BANF2: variants seen among roughly 807,000 people sequenced by gnomAD.
BANF2 encodes the protein barrier-to-autointegration factor-like protein.
In BANF2, 4 loss-of-function variants were observed where a neutral mutation model predicts 8.0. That is an observed-to-expected ratio of 0.50 (90% CI 0.25 to 1.14). The LOEUF is 1.14. Ranked by LOEUF, BANF2 falls within the 50% of genes most tolerant of loss-of-function variation. The pLI is 0.16. For missense variants in BANF2, 96 were observed against 107.5 expected (o/e 0.89, Z 0.47); for synonymous variants, 50 against 40.6 (o/e 1.23, Z -0.88).
At chr20:17,702,774 G>T (rs1252403940) in intron 1 of BANF2, among the ~76,000 whole-genome samples, 5 of 152,182 alleles carry the variant, frequency 3.3e-5, no homozygotes, top group Non-Finnish European at 5.9e-5. Flanking sequence ...CTGCTTCTGA[G>T]TTATTCTATA....
At chr20:17,710,490 G>A (rs567854704) in intron 1 of BANF2, among the ~76,000 whole-genome samples, 22 of 152,304 alleles carry the variant, frequency 1.4e-4, no homozygotes, top group African/African-American at 4.8e-4. Context: ...AGGCAGGCAC[G>A]TAGTAGGCGC....
At chr20:17,721,863 TTA>T (rs557744714) in intron 1 of BANF2, among the ~76,000 whole-genome samples, 552 of 152,338 alleles carry the variant, frequency 3.6e-3, no homozygotes, top group Middle Eastern at 6.8e-3. Flanking sequence ...TTTTCATTAC[TTA>T]TAGCCCAGGG....
intron 1 of BANF2, chr20:17,712,559 C>T (rs1291586702): frequency 5.1e-6 from 5 of 979,044 alleles, no homozygotes; most frequent in Middle Eastern, 5.3e-4. Flanking sequence ...GTTCAAGCCC[C>T]GTGCCCATGA....
chr20:17,719,939 A>G (rs1181104366), intron 1 of BANF2, among the ~76,000 whole-genome samples: 2 of 152,156 alleles, frequency 1.3e-5, no homozygotes, highest in Admixed American at 1.3e-4. Flanking sequence ...TCTGCTTGGA[A>G]TTTTATCAGA....
chr20:17,724,248 T>C (rs1403361824), intron 2 of BANF2, among the ~76,000 whole-genome samples: 1 of 152,186 alleles, frequency 6.6e-6, no homozygotes, highest in Non-Finnish European at 1.5e-5. Context: ...TCTTTTTGCC[T>C]GGGGCCTGCA....
chr20:17,707,297 G>A (rs1462864043), intron 1 of BANF2, among the ~76,000 whole-genome samples: 1 of 151,778 alleles, frequency 6.6e-6, no homozygotes, highest in Non-Finnish European at 1.5e-5. Flanking sequence ...GCAGGAGAAT[G>A]GCGTGAACCC....
chr20:17,694,957 A>G (rs1236139744), upstream of BANF2, among the ~76,000 whole-genome samples: 2 of 151,770 alleles, frequency 1.3e-5, no homozygotes, highest in Non-Finnish European at 2.9e-5. Flanking sequence ...TCCTAATTCA[A>G]TCATCCCAAC....
chr20:17,695,696 A>G (rs534454544), upstream of BANF2, among the ~76,000 whole-genome samples: 2 of 152,152 alleles, frequency 1.3e-5, no homozygotes, highest in Non-Finnish European at 1.5e-5. Flanking sequence ...TGTAATTTAC[A>G]TGCTCTAAAA....
At chr20:17,701,344 C>T (rs1023404153) in intron 1 of BANF2, among the ~76,000 whole-genome samples, 4 of 152,224 alleles carry the variant, frequency 2.6e-5, no homozygotes, top group Non-Finnish European at 5.9e-5. Context: ...TAATTCCGAC[C>T]TCTGTGAAGC....
Position 17,725,064 on chromosome 20 carries a change from C to T in BANF2, c.39C>T (p.Ser13=), listed in dbSNP as rs201427750. 5.7e-5 allele frequency: 91 copies of T among 1,608,382 alleles called. No individual in the cohort carries two copies. In the East Asian group the frequency reaches 8.3e-4, roughly 15 times the overall value. The change falls in exon 3 of 4, where the codon TCC becomes TCT. Residue 13 remains serine, a synonymous_variant. Transcript: ENST00000246090. The part of the protein sequence containing the change: ...NMSPRLRAFL[S]EPIGEKDVCW... ...CTCCCAGGCTGAGAGCCTTCCTCTC[C>T]GAACCCATTGGAGAAAAGGATGTCT...
At chr20:17,714,702 G>A (rs1172305517) in intron 1 of BANF2, among the ~76,000 whole-genome samples, 4 of 152,264 alleles carry the variant, frequency 2.6e-5, no homozygotes, top group South Asian at 4.1e-4. Context: ...AATGGGCAAT[G>A]TGATGCCTCT....
chr20:17,720,441 T>G (rs1243635317), intron 1 of BANF2, among the ~76,000 whole-genome samples: 2 of 152,222 alleles, frequency 1.3e-5, no homozygotes, highest in African/African-American at 4.8e-5. Flanking sequence ...GCAGCACAGA[T>G]GAACCTTGAT....
At chr20:17,727,265 G>C (rs1866054063) in intron 3 of BANF2, among the ~76,000 whole-genome samples, 1 of 152,176 alleles carries the variant, frequency 6.6e-6, no homozygotes, top group African/African-American at 2.4e-5. Context: ...CACTTTCCTA[G>C]AGCTGCTAAT....
chr20:17,716,855 AAAAAAAG>A (rs1174425436), intron 1 of BANF2, among the ~76,000 whole-genome samples: 21 of 151,158 alleles, frequency 1.4e-4, no homozygotes, highest in African/African-American at 4.8e-4. Context: ...AAAAAAAAAA[AAAAAAAG>A]AAAGAAAGGA....
chr20:17,719,889 G>A (rs923828294), intron 1 of BANF2, among the ~76,000 whole-genome samples: 3 of 152,116 alleles, frequency 2.0e-5, no homozygotes, highest in South Asian at 2.1e-4. Context: ...AGATCCCCCC[G>A]CAAAGGCCCA....
At chr20:17,725,251 AT>A in intron 3 of BANF2, 100 bp downstream of exon 3, 1 of 1,418,322 alleles carries the variant, frequency 7.1e-7, no homozygotes, top group South Asian at 1.3e-5. Context: ...GTGAAGGGCC[AT>A]CAGAGAGCAA....
rs530614169 is a variant in BANF2 at position 17,727,956 on chromosome 20, G to T, written c.126+2805G>T. ...CAGTTTTGCCATGTTGTCCAGGCTGGTCTCAGCTCCTGGGCTCAAGTGATC... is the reference window on the plus strand; with the variant it reads ...CAGTTTTGCCATGTTGTCCAGGCTGTTCTCAGCTCCTGGGCTCAAGTGATC... On this transcript the variant is annotated intron_variant, in intron 3 of 3. Coordinates refer to ENST00000246090, the MANE Select transcript of BANF2 (RefSeq NM_178477.5). Among the ~76,000 whole-genome samples, 5 of 152,204 alleles carry T rather than the reference G, an allele frequency of 3.3e-5. No individual in the cohort carries two copies. In the East Asian group the frequency reaches 9.7e-4, roughly 29 times the overall value.
upstream of BANF2, among the ~76,000 whole-genome samples, chr20:17,699,480 T>C (rs1191627098): frequency 6.6e-6 from 1 of 152,200 alleles, no homozygotes; most frequent in Non-Finnish European, 1.5e-5. Context: ...AAGTTACTTC[T>C]CTTTCCTTGA....
At chr20:17,722,670 CA>C (rs1425942539) in intron 1 of BANF2, 45 bp from the exon 2 acceptor site, 1 of 937,278 alleles carries the variant, frequency 1.1e-6, no homozygotes, top group African/African-American at 1.8e-5. Flanking sequence ...CCCACAGAGT[CA>C]GGGGACCCTG....
Sources: gnomAD v4.1 joint callset for allele counts (sites outside exome capture counted in the v4.1 genomes callset) on GRCh38, gnomAD v4.1.1 for gene constraint, MANE v1.5 for transcripts, NCBI Gene and HGNC (gene_info 2026-07-23, HGNC 2026-07-21) for gene names.